SNTG1: variants seen among roughly 807,000 people sequenced by gnomAD.
SNTG1 encodes syntrophin gamma 1.
In SNTG1, 39 loss-of-function variants were observed where a neutral mutation model predicts 74.7. The ratio of observed to expected loss-of-function variants is 0.52; its 90% CI spans 0.40 to 0.68. The LOEUF is 0.68. Among genes scored for constraint, SNTG1 ranks in the 30% least tolerant of loss-of-function variants. SNTG1 has a pLI of 0.00. For missense variants in SNTG1, 685 were observed against 609.5 expected (o/e 1.12, Z -1.30); for synonymous variants, 254 against 217.1 (o/e 1.17, Z -1.49).
chr8:50,504,034 C>A (rs916993503), intron 9 of SNTG1, among the ~76,000 whole-genome samples: 14 of 152,254 alleles, frequency 9.2e-5, no homozygotes, highest in African/African-American at 3.4e-4. Flanking sequence ...TGGTTCTCCT[C>A]TATTTGTCTA....
chr8:50,077,170 T>C (rs1156681381), intron 1 of SNTG1, among the ~76,000 whole-genome samples: 3 of 152,342 alleles, frequency 2.0e-5, no homozygotes, highest in African/African-American at 7.2e-5. Context: ...AGTAGTTAGA[T>C]ACAGAAATGA....
intron 4 of SNTG1, among the ~76,000 whole-genome samples, chr8:50,420,348 A>C (rs2093066868): frequency 6.6e-6 from 1 of 152,204 alleles, no homozygotes; most frequent in Non-Finnish European, 1.5e-5. Context: ...AGAAACAATG[A>C]AGGCCAGAAG....
At chr8:50,778,922 C>G (rs563485057) in intron 18 of SNTG1, among the ~76,000 whole-genome samples, 25 of 152,152 alleles carry the variant, frequency 1.6e-4, no homozygotes, top group Non-Finnish European at 2.4e-4. Flanking sequence ...TTCCACATAT[C>G]GCTAGCCAGT....
intron 1 of SNTG1, chr8:50,164,543 T>G (rs1188220340): frequency 2.0e-5 from 3 of 152,244 alleles, no homozygotes; most frequent in African/African-American, 4.8e-5. Flanking sequence ...GAACACATTT[T>G]AAATTACTAG....
chr8:50,554,144 T>C (rs557639284), intron 12 of SNTG1, among the ~76,000 whole-genome samples: 3 of 152,296 alleles, frequency 2.0e-5, no homozygotes, highest in Admixed American at 1.3e-4. Flanking sequence ...TTGTGGCCAC[T>C]ATACCTTTCT....
At chr8:50,661,868 A>T (rs543852880) in intron 15 of SNTG1, among the ~76,000 whole-genome samples, 4 of 152,330 alleles carry the variant, frequency 2.6e-5, no homozygotes, top group African/African-American at 9.6e-5. Flanking sequence ...TAGTAAGTAC[A>T]ATGCTGGTGC....
intron 1 of SNTG1, among the ~76,000 whole-genome samples, chr8:49,950,342 T>C (rs1285229182): frequency 6.6e-6 from 1 of 152,196 alleles, no homozygotes; most frequent in Non-Finnish European, 1.5e-5. Context: ...TAATATAATT[T>C]ATTTCCCAGT....
chr8:50,215,533 T>A (rs1405418116), intron 2 of SNTG1, among the ~76,000 whole-genome samples: 1 of 149,638 alleles, frequency 6.7e-6, no homozygotes, highest in African/African-American at 2.4e-5. Context: ...GTTTAAGATA[T>A]CCTGACATTT....
intron 1 of SNTG1, among the ~76,000 whole-genome samples, chr8:50,008,740 A>C (rs1815487619): frequency 6.6e-6 from 1 of 152,192 alleles, no homozygotes. Flanking sequence ...ATTATATGTC[A>C]GCCACCTGTT....
chr8:50,754,544 A>G (rs1486687746), intron 18 of SNTG1, among the ~76,000 whole-genome samples: 2 of 151,806 alleles, frequency 1.3e-5, no homozygotes, highest in East Asian at 1.9e-4. Flanking sequence ...TTCTGACAAT[A>G]TTGTTAGATT....
rs539660860 is a variant in SNTG1, at chr8:50,573,520, T to A, written c.811-17359T>A. ...AAAAATGTGCATATATTTGTCATTT[T>A]CCCAAGGATTTCCTGAAAGTGAATA... On this transcript the variant is annotated intron_variant, in intron 12 of 18. Coordinates refer to ENST00000642720, the MANE Select transcript of SNTG1 (RefSeq NM_018967.5). 4.3e-3 allele frequency among the ~76,000 whole-genome samples: 647 copies of A among 152,100 alleles called. 9 individuals are homozygous for A. Among genetic ancestry groups the A allele is most frequent in the African/African-American group, 0.014 (586 of 41,560 alleles).
Position 50,240,942 on chromosome 8 carries a change from C to T in SNTG1, c.-28+68307C>T, listed in dbSNP as rs527421917. On this transcript the variant is annotated intron_variant, in intron 2 of 18. Coordinates refer to ENST00000642720, the MANE Select transcript of SNTG1 (RefSeq NM_018967.5). ...TTTCTGGATTTTTTTTCCCTAACAA[C>T]GAAGGGTGATAAATAGAAGAAAGGT... Among the ~76,000 whole-genome samples the T allele has an allele frequency of 2.5e-3, 378 of 151,928 alleles. 1 individual carries two copies. Among genetic ancestry groups the T allele is most frequent in the African/African-American group, 8.5e-3 (354 of 41,434 alleles).
intron 8 of SNTG1, among the ~76,000 whole-genome samples, chr8:50,477,965 A>T (rs1261619615): frequency 6.6e-6 from 1 of 152,184 alleles, no homozygotes; most frequent in Non-Finnish European, 1.5e-5. Context: ...TATAATGCTA[A>T]TGGGCAATAC....
intron 4 of SNTG1, among the ~76,000 whole-genome samples, chr8:50,426,621 G>T (rs1055069873): frequency 1.3e-5 from 2 of 151,498 alleles, no homozygotes; most frequent in African/African-American, 2.4e-5. Flanking sequence ...GTTACAATAG[G>T]CTAAAGTTAA....
intron 15 of SNTG1, among the ~76,000 whole-genome samples, chr8:50,688,367 T>C (rs2095362213): frequency 6.6e-6 from 1 of 152,204 alleles, no homozygotes; most frequent in African/African-American, 2.4e-5. Flanking sequence ...CTAGGTTTTC[T>C]TCTAGGGTTT....
chr8:50,631,307 G>C (rs146858460), intron 13 of SNTG1, among the ~76,000 whole-genome samples: 3 of 152,086 alleles, frequency 2.0e-5, no homozygotes, highest in African/African-American at 7.2e-5. Flanking sequence ...CACCATAAAT[G>C]GGAACAAATA....
At chr8:50,626,263 G>A (rs533877316) in intron 13 of SNTG1, among the ~76,000 whole-genome samples, 4 of 152,252 alleles carry the variant, frequency 2.6e-5, no homozygotes, top group Non-Finnish European at 4.4e-5. Context: ...TTTGTTGCAG[G>A]CAGTTACTGA....
chr8:50,307,412 T>C (rs2089945488), intron 2 of SNTG1, among the ~76,000 whole-genome samples: 1 of 152,062 alleles, frequency 6.6e-6, no homozygotes, highest in Non-Finnish European at 1.5e-5. Flanking sequence ...GTAGTGGTAT[T>C]GCATTATAAT....
intron 1 of SNTG1, among the ~76,000 whole-genome samples, chr8:50,044,975 G>C (rs553285298): frequency 1.3e-5 from 2 of 152,330 alleles, no homozygotes; most frequent in South Asian, 2.1e-4. Flanking sequence ...TAGATAGATA[G>C]ATGATAGCTA....
Sources: gnomAD v4.1 joint callset for allele counts (sites outside exome capture counted in the v4.1 genomes callset) on GRCh38, gnomAD v4.1.1 for gene constraint, MANE v1.5 for transcripts, NCBI Gene and HGNC (gene_info 2026-07-23, HGNC 2026-07-21) for gene names.